The following MAP3K2 variants were observed in gnomAD, a reference collection of about 807,000 sequenced individuals.
MAP3K2 encodes the protein MAP/ERK kinase kinase 2.
In MAP3K2, 24 loss-of-function variants were observed where a neutral mutation model predicts 80.3. The observed-to-expected ratio is 0.30, with a 90% CI of 0.22 to 0.42. The LOEUF (loss-of-function observed/expected upper bound fraction) is 0.42. MAP3K2 is among the 10% of genes least tolerant of loss of function. The probability of loss-of-function intolerance (pLI) is 1.00; values close to 1 mark genes in which losing one functional copy is unlikely to be tolerated. For missense variants in MAP3K2, 608 were observed against 750.1 expected, an observed-to-expected ratio of 0.81 and a Z score of 2.21; for synonymous variants, 244 against 253.7, an observed-to-expected ratio of 0.96 and a Z score of 0.36.
Position 127,301,487 on chromosome 2 carries a change from A to G in MAP3K2, c.*6092T>C, listed in dbSNP as rs1256359653. 6.6e-6 allele frequency: 1 copy of G among 152,240 alleles called. No homozygotes were observed. Among genetic ancestry groups the G allele is most frequent in the South Asian group, 2.1e-4 (1 of 4,834 alleles). The allele number at this position is 152,240 out of a possible 1,614,324, so 9.4% of individuals were successfully genotyped here. The stretch of plus-strand genomic sequence containing the variant: ...TACAAATTCTACTAGTATCTGCTTT[A>G]TAATTTTTATACTATTAGCTTACAA... On this transcript the variant is annotated 3_prime_UTR_variant, in exon 17 of 17. Transcript: ENST00000682094.
At chr2:127,353,366 TGAG>T (rs945391395) in intron 1 of MAP3K2, among the ~76,000 whole-genome samples, 1 of 147,860 alleles carries the variant, frequency 6.8e-6, no homozygotes, top group African/African-American at 2.5e-5. Flanking sequence ...GTCTGCGAGG[TGAG>T]GAGCATCTCC....
At position 127,322,297 on chromosome 2, in the gene MAP3K2, T is replaced by C. The variant is rs1558976217; in HGVS notation, c.839-45A>G. 8.1e-7 allele frequency: 1 copy of C among 1,235,422 alleles called. No homozygotes were observed. Among genetic ancestry groups the C allele is most frequent in the Non-Finnish European group, 1.1e-6 (1 of 870,620 alleles). The allele number at this position is 1,235,422 out of a possible 1,614,324, so 76.5% of individuals were successfully genotyped here. A position where few individuals can be genotyped will look rare whatever the true frequency, so the allele number is the denominator to read the frequency against. Reference sequence around the variant, plus strand: ...TGACCTTATACCTTTTATTAATATGTTATACTTTTAAAGTATTTAAAATTT... The same window carrying C: ...TGACCTTATACCTTTTATTAATATGCTATACTTTTAAAGTATTTAAAATTT... On this transcript the variant is annotated intron_variant, in intron 11 of 16. Coordinates refer to ENST00000682094, the MANE Select transcript of MAP3K2 (RefSeq NM_001371910.2). This position sits in a 1 kb window ranked among gnomAD's most constrained non-coding sequence, Gnocchi z 4.2.
rs1014580857 is a variant in MAP3K2, at chr2:127,305,662, G to C, written c.*1917C>G. ...TTCTGGGGCCTCCAGGAAGACTGTT[G>C]TTTTCTAGACCTTTAAAATAAAGTA... On this transcript the variant is annotated 3_prime_UTR_variant, in exon 17 of 17. Coordinates refer to ENST00000682094, the MANE Select transcript of MAP3K2 (RefSeq NM_001371910.2). 2.0e-5 allele frequency: 3 copies of C among 152,068 alleles called. No individual in the cohort carries two copies. Among genetic ancestry groups the C allele is most frequent in the African/African-American group, 7.2e-5 (3 of 41,418 alleles). 9.4% of individuals were successfully genotyped at this position (152,068 alleles called of 1,614,324 possible).
chr2:127,345,188 G>A (rs968892740), intron 1 of MAP3K2, among the ~76,000 whole-genome samples: 1 of 152,114 alleles, frequency 6.6e-6, no homozygotes, highest in Non-Finnish European at 1.5e-5. Context: ...GACAGTAAAA[G>A]GATAGAAAAA....
chr2:127,349,860 C>T (rs1332214482), intron 1 of MAP3K2, among the ~76,000 whole-genome samples: 3 of 152,016 alleles, frequency 2.0e-5, no homozygotes, highest in African/African-American at 2.4e-5. Context: ...AAATTCTCAA[C>T]GAAATTTTTC....
At chr2:127,311,773 T>C (rs1214385295) in intron 15 of MAP3K2, among the ~76,000 whole-genome samples, 1 of 152,146 alleles carries the variant, frequency 6.6e-6, no homozygotes, top group Admixed American at 6.5e-5. Context: ...TTATCAAATA[T>C]ATAGTCGGTG....
rs201583960 is a variant in MAP3K2, at chr2:127,322,205, G to A, written c.886C>T (p.Arg296Trp). ...RARRTQGTSL[R>W]SPVSFSPTDH... ...GTAGGACTGAAACTCACAGGAGACC[G>A]TAAGCTGGTCCCCTGGGTCCTTCTA... is the stretch of plus-strand genomic sequence containing the variant. Residue 296 changes from arginine to tryptophan, a missense_variant, in exon 12 of 17, where the codon CGG becomes TGG. Arg to Trp is a moderately radical substitution (Grantham distance 101, BLOSUM62 -3). Around this residue, in one of 4 missense-constraint regions of MAP3K2, gnomAD observed 467 missense variants for 521.9 expected, o/e 0.89. Transcript: ENST00000682094. The surrounding 1 kb of genome is among the most constrained non-coding windows in gnomAD (Gnocchi z 4.2). The A allele has an allele frequency of 9.3e-6, 15 of 1,613,870 alleles. 1 individual carries two copies. The highest frequency in any genetic ancestry group is 5.5e-5 in the South Asian group (5 of 91,072).
Position 127,301,670 on chromosome 2 carries a change from AC to A in MAP3K2, c.*5908del, listed in dbSNP as rs1685595286. ...TGATTTAATGCCTTTGCTGTTATTA[AC>A]AAAAATACCATATGACTATCAATTA... is the stretch of plus-strand genomic sequence containing the variant. On this transcript the variant is annotated 3_prime_UTR_variant, in exon 17 of 17. Coordinates refer to ENST00000682094, the MANE Select transcript of MAP3K2 (RefSeq NM_001371910.2). 1 of 152,238 alleles carries A rather than the reference AC, an allele frequency of 6.6e-6. No homozygotes were observed. Among genetic ancestry groups the A allele is most frequent in the African/African-American group, 2.4e-5 (1 of 41,466 alleles). 9.4% of individuals were successfully genotyped at this position (152,238 alleles called of 1,614,324 possible).
chr2:127,372,142 C>T (rs1313802958), intron 1 of MAP3K2, among the ~76,000 whole-genome samples: 1 of 152,174 alleles, frequency 6.6e-6, no homozygotes, highest in Non-Finnish European at 1.5e-5. Flanking sequence ...AGTCCTAGGG[C>T]AATCTAGCCT....
At chr2:127,331,793 AC>A (rs1265072714) in intron 5 of MAP3K2, among the ~76,000 whole-genome samples, 1 of 152,188 alleles carries the variant, frequency 6.6e-6, no homozygotes, top group Non-Finnish European at 1.5e-5. Flanking sequence ...TTTAGCAGAG[AC>A]AGGGTTTCAA....
chr2:127,320,386 TGAG>T (rs1685993591), intron 12 of MAP3K2, among the ~76,000 whole-genome samples: 2 of 151,222 alleles, frequency 1.3e-5, no homozygotes, highest in South Asian at 4.2e-4. Flanking sequence ...GCAACAAGGC[TGAG>T]GAAAGAATCA....
chr2:127,318,488 C>T lies in MAP3K2; in HGVS notation c.1046-171G>A, dbSNP rs144881715. On this transcript the variant is annotated intron_variant, in intron 12 of 16. Transcript: ENST00000682094. ...TACCGTCTTTCAAATTTTTCTCTTT[C>T]GTCAATTTTCTACAAATCCTAAATC... Among the ~76,000 whole-genome samples the T allele has an allele frequency of 2.4e-3, 367 of 152,230 alleles. 1 individual carries two copies. The highest frequency in any genetic ancestry group is 8.0e-3 in the African/African-American group (334 of 41,548).
chr2:127,381,818 G>A (rs920503224), intron 1 of MAP3K2, among the ~76,000 whole-genome samples: 3 of 151,728 alleles, frequency 2.0e-5, no homozygotes, highest in African/African-American at 7.3e-5. Flanking sequence ...AGGTATTCTT[G>A]TCCAAAATGT....
chr2:127,325,284 TAC>T (rs1227055338), intron 9 of MAP3K2, among the ~76,000 whole-genome samples: 1 of 152,242 alleles, frequency 6.6e-6, no homozygotes, highest in African/African-American at 2.4e-5. Flanking sequence ...GCCGTCATCA[TAC>T]ACAAGTACCA....
At chr2:127,329,885 A>G (rs1231300582) in intron 7 of MAP3K2, 36 bp downstream of exon 7, 1 of 1,170,318 alleles carries the variant, frequency 8.5e-7, no homozygotes, top group African/African-American at 1.5e-5. Flanking sequence ...AAATTGAGAA[A>G]TCATTCATTT....
Position 127,325,778 on chromosome 2 carries a change from A to C in MAP3K2, c.627T>G (p.Pro209=). ...GACAACTTCCTGAGCCAGAATTTTC[A>C]GGGCTGCTTAAAGATAATGGATCCA... ...QMLDPLSLSS[P]ENSGSGSCPS... Residue 209 remains proline (P), a synonymous_variant, in exon 9 of 17, where the codon CCT becomes CCG. Transcript: ENST00000682094. 6.2e-7 allele frequency: 1 copy of C among 1,613,560 alleles called. No homozygotes were observed.
rs10611311 is a variant in MAP3K2, at chr2:127,344,488, C to CA, written c.-65-1295dup. ...AACATAGGGAGACTCCCATTTCCAC[C>CA]AAAAAAAAAAAAAAAAAAGATTTAA... On this transcript the variant is annotated intron_variant, in intron 1 of 16. Transcript: ENST00000682094. Among the ~76,000 whole-genome samples the CA allele has an allele frequency of 2.0e-3, 260 of 129,098 alleles. 1 individual carries two copies. In the East Asian group the frequency reaches 0.035, roughly 17 times the overall value. 84.7% of individuals were successfully genotyped at this position (129,098 alleles called of 152,430 possible). A position where few individuals can be genotyped will look rare whatever the true frequency, so the allele number is the denominator to read the frequency against.
chr2:127,359,850 G>C (rs1214646655), intron 1 of MAP3K2, among the ~76,000 whole-genome samples: 2 of 152,190 alleles, frequency 1.3e-5, no homozygotes, highest in African/African-American at 2.4e-5. Flanking sequence ...GGCCTCTTCA[G>C]AAGCTGAGCA....
At chr2:127,359,011 T>C (rs1686840785) in intron 1 of MAP3K2, among the ~76,000 whole-genome samples, 1 of 151,986 alleles carries the variant, frequency 6.6e-6, no homozygotes, top group South Asian at 2.1e-4. Context: ...AGTAAAAAGA[T>C]CAGTGGCTGC....
Sources: gnomAD v4.1 joint callset for allele counts (sites outside exome capture counted in the v4.1 genomes callset) on GRCh38, gnomAD v4.1.1 for gene constraint, gnomAD v4.1.1 regional missense constraint, Gnocchi (gnomAD v3.1) non-coding constraint, MANE v1.5 for transcripts, NCBI Gene and HGNC (gene_info 2026-07-23, HGNC 2026-07-21) for gene names.